The following DCDC1 variants were observed in gnomAD, a reference collection of about 807,000 sequenced individuals.
DCDC1 encodes doublecortin domain-containing protein 1.
In DCDC1, 200 loss-of-function variants were observed where a neutral mutation model predicts 178.3. That is an observed-to-expected ratio of 1.12 (90% CI 1.00 to 1.26). DCDC1 has a LOEUF of 1.26. Ranked by LOEUF, DCDC1 falls within the 50% of genes most tolerant of loss-of-function variation. DCDC1 has a pLI of 0.00. For synonymous variants in DCDC1, 690 were observed against 604.8 expected (o/e 1.14, Z -2.07); for missense variants, 1,983 against 1,749.2 (o/e 1.13, Z -2.38).
At chr11:30,890,631 G>A (rs577393418) in intron 36 of DCDC1, among the ~76,000 whole-genome samples, 110 of 152,194 alleles carry the variant, frequency 7.2e-4, no homozygotes, top group African/African-American at 2.2e-3. Flanking sequence ...TGGACTTACC[G>A]TAAAAAATAT....
At chr11:30,944,933 A>G (rs1427422933) in intron 21 of DCDC1, among the ~76,000 whole-genome samples, 1 of 151,078 alleles carries the variant, frequency 6.6e-6, no homozygotes, top group African/African-American at 2.4e-5. Flanking sequence ...TGTAATTGTC[A>G]AATCACAGAC....
intron 1 of DCDC1, among the ~76,000 whole-genome samples, chr11:31,336,680 T>A (rs779600531): frequency 6.6e-6 from 1 of 152,216 alleles, no homozygotes; most frequent in Non-Finnish European, 1.5e-5. Context: ...CAATATCCAT[T>A]CCTTGTTCCT....
intron 1 of DCDC1, among the ~76,000 whole-genome samples, chr11:31,353,595 C>T (rs1297874873): frequency 6.6e-6 from 1 of 152,142 alleles, no homozygotes; most frequent in Admixed American, 6.5e-5. Flanking sequence ...TTCACAAAAC[C>T]AACTGTTGGT....
chr11:30,955,184 T>A (rs1411683506), intron 20 of DCDC1, among the ~76,000 whole-genome samples: 1 of 152,188 alleles, frequency 6.6e-6, no homozygotes, highest in Non-Finnish European at 1.5e-5. Context: ...CACGTCAATA[T>A]CTTCTGGGCC....
chr11:31,230,456 A>C (rs181137137), intron 9 of DCDC1, among the ~76,000 whole-genome samples: 9 of 152,258 alleles, frequency 5.9e-5, no homozygotes, highest in Admixed American at 5.9e-4. Context: ...GCAGGCCAAG[A>C]GCAAGATGGA....
chr11:31,366,910 T>A (rs538504240), intron 1 of DCDC1, among the ~76,000 whole-genome samples: 2 of 152,340 alleles, frequency 1.3e-5, no homozygotes, highest in African/African-American at 4.8e-5. Context: ...GGCATATCAC[T>A]GTCTAGATGC....
chr11:31,013,549 A>C (rs535965961), intron 20 of DCDC1, among the ~76,000 whole-genome samples: 12 of 152,290 alleles, frequency 7.9e-5, no homozygotes, highest in African/African-American at 2.9e-4. Flanking sequence ...ACTTTACCAT[A>C]AAAAAGGGCT....
chr11:30,870,517 G>A lies in DCDC1; in HGVS notation c.*41-5185C>T, dbSNP rs139363271. On this transcript the variant is annotated intron_variant, in intron 38 of 38. Coordinates refer to ENST00000684477, the MANE Select transcript of DCDC1 (RefSeq NM_001387274.1). Reference sequence around the variant, plus strand: ...TCATAAAAATAAAAATTCACAATGGGATTTATCCTATCAAAATGACTACAT... The same window carrying A: ...TCATAAAAATAAAAATTCACAATGGAATTTATCCTATCAAAATGACTACAT... Among the ~76,000 whole-genome samples the A allele has an allele frequency of 6.1e-3, 930 of 152,236 alleles. 9 individuals carry two copies. The highest frequency in any genetic ancestry group is 0.01 in the Non-Finnish European group (706 of 68,008).
At position 30,891,556 on chromosome 11, in the gene DCDC1, T is replaced by C. The variant is rs367889923; in HGVS notation, c.5082+1262A>G. The stretch of plus-strand genomic sequence containing the variant: ...TTCTAGGTGCAATACTTAAGTGCAT[T>C]TTAACACTTAGCATCTACAACATGA... On this transcript the variant is annotated intron_variant, in intron 36 of 38. Coordinates refer to ENST00000684477, the MANE Select transcript of DCDC1 (RefSeq NM_001387274.1). Among the ~76,000 whole-genome samples the C allele has an allele frequency of 2.4e-3, 366 of 152,290 alleles. 2 individuals carry two copies. The highest frequency in any genetic ancestry group is 3.3e-3 in the Non-Finnish European group (224 of 68,002).
chr11:31,119,636 A>C (rs1008310158), intron 11 of DCDC1, among the ~76,000 whole-genome samples: 1 of 152,232 alleles, frequency 6.6e-6, no homozygotes, highest in Non-Finnish European at 1.5e-5. Flanking sequence ...AAATATTAAA[A>C]TAAGCTTTCT....
chr11:31,095,171 T>C (rs1958070424), intron 15 of DCDC1, among the ~76,000 whole-genome samples: 1 of 152,220 alleles, frequency 6.6e-6, no homozygotes, highest in Admixed American at 6.5e-5. Flanking sequence ...CCACATTTTC[T>C]TTATCCAGTC....
chr11:31,233,087 CAAA>C (rs145908518), intron 9 of DCDC1, among the ~76,000 whole-genome samples: 4 of 122,718 alleles, frequency 3.3e-5, no homozygotes, highest in Admixed American at 1.6e-4. Context: ...GACTTCATCT[CAAA>C]AAAAAAAAAA....
chr11:30,951,335 T>C (rs1239081217), intron 21 of DCDC1, among the ~76,000 whole-genome samples: 1 of 152,146 alleles, frequency 6.6e-6, no homozygotes, highest in Non-Finnish European at 1.5e-5. Context: ...AGTGATGATG[T>C]ATTTGCTTTG....
chr11:31,315,557 C>G (rs531273816), intron 3 of DCDC1, among the ~76,000 whole-genome samples: 1 of 150,814 alleles, frequency 6.6e-6, no homozygotes, highest in Non-Finnish European at 1.5e-5. Flanking sequence ...AGGATGGTCT[C>G]GATCTCCTGA....
At chr11:31,065,240 T>C in intron 18 of DCDC1, 87 bp from the exon 19 acceptor site, 1 of 555,828 alleles carries the variant, frequency 1.8e-6, no homozygotes, top group Non-Finnish European at 3.2e-6. Context: ...GGAGGATAAA[T>C]TACATTAATA....
intron 9 of DCDC1, among the ~76,000 whole-genome samples, chr11:31,202,110 A>G (rs2136440528): frequency 6.6e-6 from 1 of 152,330 alleles, no homozygotes; most frequent in East Asian, 1.9e-4. Context: ...AGTGGTTTGA[A>G]TCATGTGCCA....
intron 8 of DCDC1, among the ~76,000 whole-genome samples, chr11:31,249,293 T>C (rs1943797822): frequency 6.6e-6 from 1 of 152,214 alleles, no homozygotes; most frequent in Admixed American, 6.6e-5. Context: ...TGAATGTTCA[T>C]ATTGCACAGT....
At chr11:31,139,036 G>C (rs1052140824) in intron 9 of DCDC1, among the ~76,000 whole-genome samples, 1 of 151,812 alleles carries the variant, frequency 6.6e-6, no homozygotes, top group African/African-American at 2.4e-5. Flanking sequence ...ATGGGGGTGG[G>C]GGGAGAATAC....
chr11:31,018,556 G>C (rs1156737395), intron 20 of DCDC1, among the ~76,000 whole-genome samples: 1 of 152,100 alleles, frequency 6.6e-6, no homozygotes, highest in African/African-American at 2.4e-5. Flanking sequence ...GAAAACCAAG[G>C]CTCACGGAAG....
Sources: gnomAD v4.1 joint callset for allele counts (sites outside exome capture counted in the v4.1 genomes callset) on GRCh38, gnomAD v4.1.1 for gene constraint, MANE v1.5 for transcripts, NCBI Gene and HGNC (gene_info 2026-07-23, HGNC 2026-07-21) for gene names.